SEMA5B: variants seen among roughly 807,000 people sequenced by gnomAD.
SEMA5B encodes the protein semaphorin-5B.
SEMA5B carries 66 observed loss-of-function variants against 135.0 expected under a neutral mutation model. The observed-to-expected ratio is 0.49, with a 90% CI of 0.40 to 0.60. The LOEUF (loss-of-function observed/expected upper bound fraction) is 0.60. SEMA5B is among the 20% of genes least tolerant of loss of function. The pLI is 0.00. For synonymous variants in SEMA5B, 690 were observed against 639.5 expected, an observed-to-expected ratio of 1.08 and a Z score of -1.19; for missense variants, 1,501 against 1,566.3, an observed-to-expected ratio of 0.96 and a Z score of 0.70.
chr3:122,957,300 T>C (rs1000724985), intron 2 of SEMA5B, among the ~76,000 whole-genome samples: 7 of 152,198 alleles, frequency 4.6e-5, no homozygotes, highest in African/African-American at 7.2e-5. Flanking sequence ...GAAGCTGGTC[T>C]TGCACCCAGA....
Position 122,913,335 on chromosome 3 carries a change from G to T in SEMA5B, c.2370C>A (p.Gly790=), listed in dbSNP as rs769028093. ...GGAACCGCTGCTCCTGCCGTGCCCC[G>T]CCCTGCGTCACGTTCACGGGCAGCC... ...TPWLPVNVTQ[G]GARQEQRFRF... is the part of the protein sequence containing the mutation. The change falls in exon 17 of 23, where the codon GGC becomes GGA. Residue 790 remains glycine (G), a synonymous_variant. Coordinates refer to ENST00000357599, the MANE Select transcript of SEMA5B (RefSeq NM_001031702.4). 6.3e-7 allele frequency: 1 copy of T among 1,578,600 alleles called. No homozygotes were observed. The highest frequency in any genetic ancestry group is 2.3e-5 in the East Asian group (1 of 43,802).
intron 1 of SEMA5B, among the ~76,000 whole-genome samples, chr3:122,970,514 A>C (rs1376894000): frequency 6.6e-6 from 1 of 152,262 alleles, no homozygotes; most frequent in East Asian, 1.9e-4. Flanking sequence ...ATAGCCCAGC[A>C]GCTAGAGAAT....
intron 1 of SEMA5B, among the ~76,000 whole-genome samples, chr3:122,988,821 G>A (rs112243608): frequency 2.0e-5 from 3 of 152,358 alleles, no homozygotes; most frequent in African/African-American, 4.8e-5. Flanking sequence ...TGTCCTCCTC[G>A]AGACTGGGAG....
intron 1 of SEMA5B, among the ~76,000 whole-genome samples, chr3:122,981,889 G>A (rs1941531551): frequency 6.6e-6 from 1 of 152,340 alleles, no homozygotes; most frequent in South Asian, 2.1e-4. Flanking sequence ...TGGAGTCTCT[G>A]AGTCGGAAGT....
At chr3:122,922,566 C>T (rs1472316681) in intron 10 of SEMA5B, 119 bp from the exon 11 acceptor site, 58 of 885,982 alleles carry the variant, frequency 6.5e-5, no homozygotes, top group Non-Finnish European at 9.9e-5. Flanking sequence ...TCTCCAGCAC[C>T]CCCCACCCCT....
chr3:122,966,536 TTTA>T (rs140866804), intron 1 of SEMA5B, among the ~76,000 whole-genome samples: 47,582 of 141,294 alleles, frequency 0.34, 8,272 homozygotes, highest in Non-Finnish European at 0.4. Context: ...TGTAAGAATG[TTTA>T]TTATTATTAT....
intron 1 of SEMA5B, among the ~76,000 whole-genome samples, chr3:122,965,048 C>G (rs1576372428): frequency 6.6e-6 from 1 of 152,126 alleles, no homozygotes; most frequent in East Asian, 1.9e-4. Flanking sequence ...AGTAGGGTAG[C>G]TTTGTGACTG....
chr3:122,929,125 G>GAGCAGGC, intron 5 of SEMA5B, 67 bp from the exon 6 acceptor site: 4 of 1,492,378 alleles, frequency 2.7e-6, no homozygotes, highest in Non-Finnish European at 3.7e-6. Flanking sequence ...CTCACTGGCA[G>GAGCAGGC]AGCAGGCAGC....
chr3:122,977,078 T>C (rs1576384409), intron 1 of SEMA5B, among the ~76,000 whole-genome samples: 1 of 152,182 alleles, frequency 6.6e-6, no homozygotes, highest in Non-Finnish European at 1.5e-5. Flanking sequence ...TCCAGATGGT[T>C]ACACTGTGCA....
intron 1 of SEMA5B, among the ~76,000 whole-genome samples, chr3:122,988,949 TG>T (rs944302166): frequency 1.1e-4 from 17 of 152,366 alleles, no homozygotes; most frequent in African/African-American, 3.8e-4. Flanking sequence ...AAGCAGGCTC[TG>T]CCATCAGTGT....
chr3:122,969,967 A>T (rs1941041114), intron 1 of SEMA5B, among the ~76,000 whole-genome samples: 1 of 152,192 alleles, frequency 6.6e-6, no homozygotes, highest in East Asian at 1.9e-4. Flanking sequence ...TTCAGGAATT[A>T]GAAAGCTGTC....
At chr3:122,965,397 T>C (rs537798421) in intron 1 of SEMA5B, among the ~76,000 whole-genome samples, 72 of 152,362 alleles carry the variant, frequency 4.7e-4, no homozygotes, top group African/African-American at 1.6e-3. Context: ...AGAAGTCTGC[T>C]ACAGGCTCTG....
chr3:122,964,602 G>T (rs780497365), intron 1 of SEMA5B, among the ~76,000 whole-genome samples: 1 of 152,082 alleles, frequency 6.6e-6, no homozygotes, highest in Non-Finnish European at 1.5e-5. Context: ...CTCTCCCACT[G>T]TTCCTTCTTT....
At chr3:122,920,631 T>C (rs1205244567) in intron 12 of SEMA5B, among the ~76,000 whole-genome samples, 1 of 152,210 alleles carries the variant, frequency 6.6e-6, no homozygotes, top group East Asian at 1.9e-4. Flanking sequence ...CCATCAAATG[T>C]CTCCCCGTTT....
chr3:122,909,696 T>C lies in SEMA5B; in HGVS notation c.*447A>G, dbSNP rs947796513. The stretch of plus-strand genomic sequence containing the variant: ...ACTGGAGCCACTTGATTGATTACTT[T>C]CAGAGATAATCAGGATGTAGCAAAG... On this transcript the variant is annotated 3_prime_UTR_variant, in exon 23 of 23. Transcript: ENST00000357599. 8 of 155,684 alleles carry C rather than the reference T, an allele frequency of 5.1e-5. No individual in the cohort carries two copies. Among genetic ancestry groups the C allele is most frequent in the African/African-American group, 1.9e-4 (8 of 41,662 alleles). 9.6% of individuals were successfully genotyped at this position (155,684 alleles called of 1,614,324 possible).
At chr3:122,961,382 G>T (rs1940573405) in intron 1 of SEMA5B, 81 bp from the exon 2 acceptor site, 3 of 1,273,616 alleles carry the variant, frequency 2.4e-6, no homozygotes, top group Non-Finnish European at 3.3e-6. Flanking sequence ...AGGCCAGACT[G>T]CCCCAGGGAC....
At chr3:122,914,172 G>C (rs950126282) in intron 14 of SEMA5B, among the ~76,000 whole-genome samples, 171 bp from the exon 15 acceptor site, 6 of 152,212 alleles carry the variant, frequency 3.9e-5, no homozygotes, top group African/African-American at 1.4e-4. Flanking sequence ...TCATCCATCC[G>C]TTCATTTATT....
At chr3:122,911,632 G>A (rs891265369) in intron 20 of SEMA5B, 97 bp from the exon 21 acceptor site, 3 of 1,296,456 alleles carry the variant, frequency 2.3e-6, no homozygotes, top group South Asian at 2.8e-5. Context: ...CTAGGTCAAC[G>A]CTCAGACGTA....
In SEMA5B at chr3:122,915,889, C is replaced by T. The variant is rs761194873; in HGVS notation, c.1690G>A (p.Ala564Thr). The part of the protein sequence containing the change: ...ERCAAYRSQG[A>T]CLGARDPYCG... Reference sequence around the variant, plus strand: ...TACGGGTCCCGGGCCCCCAGGCATGCCCTGCCAGACAGACGTCCTGAGATT... The same window carrying T: ...TACGGGTCCCGGGCCCCCAGGCATGTCCTGCCAGACAGACGTCCTGAGATT... Residue 564 changes from alanine (A) to threonine (T), a missense_variant and splice_region_variant, in exon 13 of 23, where the codon GCA becomes ACA. Ala to Thr is a moderately conservative substitution (Grantham distance 58, BLOSUM62 0). Coordinates refer to ENST00000357599, the MANE Select transcript of SEMA5B (RefSeq NM_001031702.4). 2 of 1,613,356 alleles carry T rather than the reference C, an allele frequency of 1.2e-6. No individual in the cohort carries two copies. The highest frequency in any genetic ancestry group is 2.7e-5 in the African/African-American group (2 of 74,872).
Sources: allele counts gnomAD v4.1 joint callset (sites outside exome capture counted in the v4.1 genomes callset), GRCh38; gene constraint gnomAD v4.1.1; transcripts MANE v1.5; gene names NCBI Gene and HGNC (gene_info 2026-07-23, HGNC 2026-07-21).